TASP1: variants seen among roughly 807,000 people sequenced by gnomAD.
The protein encoded by TASP1 is taspase 1, also known as threonine aspartase 1.
TASP1 carries 16 observed loss-of-function variants against 56.6 expected under a neutral mutation model. The observed-to-expected ratio is 0.28, with a 90% CI of 0.19 to 0.43. TASP1 has a LOEUF of 0.43. Ranked by LOEUF, TASP1 falls within the 20% of genes least tolerant of loss-of-function variation. The probability of loss-of-function intolerance (pLI) is 1.00; values close to 1 mark genes in which losing one functional copy is unlikely to be tolerated. For synonymous variants in TASP1, 179 were observed against 184.2 expected (o/e 0.97, Z 0.23); for missense variants, 393 against 511.6 (o/e 0.77, Z 2.24).
the TASP1 span, chr20:13,167,543 G>A: frequency 6.6e-6 from 1 of 152,186 alleles, no homozygotes; most frequent in Admixed American, 6.5e-5. Context: ...AATGGAAGAT[G>A]TTCTTGAAAA....
chr20:13,313,976 T>A, the TASP1 span, among the ~76,000 whole-genome samples: 1 of 152,030 alleles, frequency 6.6e-6, no homozygotes, highest in African/African-American at 2.4e-5. Context: ...ATCAAAAACA[T>A]AACAGAAATG....
At chr20:13,209,714 T>C in the TASP1 span, among the ~76,000 whole-genome samples, 2 of 152,210 alleles carry the variant, frequency 1.3e-5, no homozygotes, top group Non-Finnish European at 2.9e-5. Context: ...CTTATGAAAG[T>C]TCTATAACAG....
At chr20:13,497,233 C>G (rs770329934) in intron 10 of TASP1, among the ~76,000 whole-genome samples, 2 of 152,130 alleles carry the variant, frequency 1.3e-5, no homozygotes, top group Non-Finnish European at 2.9e-5. Context: ...AACAAGAGAG[C>G]TGAAGGAGAA....
the TASP1 span, among the ~76,000 whole-genome samples, chr20:13,248,803 C>T: frequency 3.4e-3 from 525 of 152,244 alleles, 1 homozygote; most frequent in Non-Finnish European, 5.4e-3. Context: ...TGGGGGTGAG[C>T]GGGGGAAGCC....
At chr20:13,360,412 C>A in the TASP1 span, among the ~76,000 whole-genome samples, 1 of 152,028 alleles carries the variant, frequency 6.6e-6, no homozygotes, top group Non-Finnish European at 1.5e-5. Flanking sequence ...CATGTGCTCT[C>A]CCTGCCAATC....
the TASP1 span, among the ~76,000 whole-genome samples, chr20:13,382,257 C>T: frequency 2.0e-5 from 3 of 152,202 alleles, no homozygotes; most frequent in Non-Finnish European, 2.9e-5. Flanking sequence ...TTGTTTTATG[C>T]TCTTAGAACA....
At chr20:13,254,369 T>C in the TASP1 span, among the ~76,000 whole-genome samples, 1 of 152,058 alleles carries the variant, frequency 6.6e-6, no homozygotes. Context: ...AAATAGAAAA[T>C]ATTTGAATTC....
chr20:13,359,519 G>A, the TASP1 span, among the ~76,000 whole-genome samples: 30 of 149,988 alleles, frequency 2.0e-4, no homozygotes, highest in African/African-American at 5.2e-4. Context: ...AGGTAAGCCC[G>A]TCCCCTTCTT....
At chr20:13,405,679 TG>T (rs745330178) in intron 13 of TASP1, among the ~76,000 whole-genome samples, 4 of 151,948 alleles carry the variant, frequency 2.6e-5, no homozygotes, top group Non-Finnish European at 5.9e-5. Flanking sequence ...CCCGAGCAGC[TG>T]GGACTACAGG....
chr20:13,393,343 TG>T, intron 13 of TASP1: 1 of 754,928 alleles, frequency 1.3e-6, no homozygotes, highest in Non-Finnish European at 2.4e-6. Flanking sequence ...ATCCCCGAGC[TG>T]AACAGGAAGC....
At chr20:13,514,857 G>A (rs2044464520) in intron 10 of TASP1, among the ~76,000 whole-genome samples, 1 of 152,088 alleles carries the variant, frequency 6.6e-6, no homozygotes. Flanking sequence ...CTGTGGGCTG[G>A]ATCATGCTGC....
chr20:13,289,541 T>C, the TASP1 span, among the ~76,000 whole-genome samples: 3 of 152,196 alleles, frequency 2.0e-5, no homozygotes, highest in African/African-American at 7.2e-5. Context: ...TGTCAAACTA[T>C]GGCCAGGTCT....
chr20:13,157,603 A>G, the TASP1 span, among the ~76,000 whole-genome samples: 3 of 152,120 alleles, frequency 2.0e-5, no homozygotes, highest in South Asian at 4.1e-4. Flanking sequence ...AAAGCAACAC[A>G]GAGTCTAATT....
downstream of TASP1, among the ~76,000 whole-genome samples, chr20:13,385,212 GA>G (rs1467937605): frequency 6.6e-6 from 1 of 152,202 alleles, no homozygotes; most frequent in Non-Finnish European, 1.5e-5. Flanking sequence ...TTAAAGTCAT[GA>G]AACGCCTTTA....
the TASP1 span, chr20:13,221,968 C>A: frequency 7.7e-7 from 1 of 1,294,166 alleles, no homozygotes; most frequent in Non-Finnish European, 9.8e-7. Flanking sequence ...GTTTGTGGGG[C>A]GGGGGTGCTG....
chr20:13,114,177 G>C, the TASP1 span, among the ~76,000 whole-genome samples: 1 of 152,154 alleles, frequency 6.6e-6, no homozygotes, highest in Non-Finnish European at 1.5e-5. Flanking sequence ...AACCTATCTA[G>C]GCCTCAGTTT....
the TASP1 span, among the ~76,000 whole-genome samples, chr20:13,163,200 T>G: frequency 1.3e-5 from 2 of 151,820 alleles, no homozygotes; most frequent in Non-Finnish European, 2.9e-5. Flanking sequence ...AAACCCCATC[T>G]CTACTAAAAA....
At position 13,520,003 on chromosome 20, in the gene TASP1, G is replaced by C. The variant is rs569689562; in HGVS notation, c.874+8430C>G. On this transcript the variant is annotated intron_variant, in intron 10 of 13. Coordinates refer to ENST00000337743, the MANE Select transcript of TASP1 (RefSeq NM_017714.3). ...ACAGACAAACAGAGAGCCAAATCATGAGTGAACTCCCATTCACAATTGCTT... is the reference window on the plus strand; with the variant it reads ...ACAGACAAACAGAGAGCCAAATCATCAGTGAACTCCCATTCACAATTGCTT... Among the ~76,000 whole-genome samples the C allele has an allele frequency of 7.9e-5, 12 of 152,228 alleles. No individual in the cohort carries two copies. The East Asian group carries it at 2.3e-3, about 29-fold the overall frequency.
chr20:13,569,524 G>C lies in TASP1; in HGVS notation c.551C>G (p.Pro184Arg), dbSNP rs745690186. ...AVDHGIPSCP[P>R]NIMTTRFSLA... ...TTACTCACTTGTGGTCATGATGTTA[G>C]GAGGGCAAGAGGGTATTCCATGATC... Residue 184 changes from proline to arginine, a missense_variant, in exon 7 of 14, where the codon CCT becomes CGT. This residue lies in a region of TASP1 where 293 missense variants were observed against 354.2 expected (regional missense o/e 0.83). Coordinates refer to ENST00000337743, the MANE Select transcript of TASP1 (RefSeq NM_017714.3). 3.1e-6 allele frequency: 5 copies of C among 1,612,138 alleles called. No individual in the cohort carries two copies. The South Asian group carries it at 4.4e-5, about 14-fold the overall frequency.
Sources: allele counts gnomAD v4.1 joint callset (sites outside exome capture counted in the v4.1 genomes callset), GRCh38; gene constraint gnomAD v4.1.1; regional missense constraint gnomAD v4.1.1; transcripts MANE v1.5; gene names NCBI Gene and HGNC (gene_info 2026-07-23, HGNC 2026-07-21).